The following PDE4B variants were observed in gnomAD, a reference collection of about 807,000 sequenced individuals.
The protein encoded by PDE4B is 3',5'-cyclic-AMP phosphodiesterase 4B.
PDE4B carries 20 observed loss-of-function variants against 82.2 expected under a neutral mutation model. The observed-to-expected ratio is 0.24, with a 90% CI of 0.17 to 0.35. The LOEUF is 0.35. Among genes scored for constraint, PDE4B ranks in the 10% least tolerant of loss-of-function variants. PDE4B has a pLI of 1.00. For synonymous variants in PDE4B, 320 were observed against 318.9 expected, an observed-to-expected ratio of 1.00 and a Z score of -0.04; for missense variants, 655 against 907.2, an observed-to-expected ratio of 0.72 and a Z score of 3.57.
intron 7 of PDE4B, among the ~76,000 whole-genome samples, chr1:66,269,596 A>G (rs1655314200): frequency 6.6e-6 from 1 of 152,236 alleles, no homozygotes; most frequent in Non-Finnish European, 1.5e-5. Flanking sequence ...AGAAAATTGA[A>G]GTAATTCTCA....
intron 3 of PDE4B, among the ~76,000 whole-genome samples, chr1:65,929,687 C>A (rs537148450): frequency 6.6e-6 from 1 of 152,316 alleles, no homozygotes; most frequent in Admixed American, 6.5e-5. Flanking sequence ...CGCAACCAAT[C>A]AGCTTCATTA....
At chr1:66,059,857 C>G (rs1655492709) in intron 3 of PDE4B, among the ~76,000 whole-genome samples, 1 of 152,082 alleles carries the variant, frequency 6.6e-6, no homozygotes, top group African/African-American at 2.4e-5. Flanking sequence ...TTTTCTTTGG[C>G]TATATCACAT....
chr1:65,843,427 T>G (rs953554999), intron 1 of PDE4B, among the ~76,000 whole-genome samples: 1 of 152,130 alleles, frequency 6.6e-6, no homozygotes, highest in Non-Finnish European at 1.5e-5. Context: ...AGAGAGTGCA[T>G]GAAAATTTCC....
At chr1:65,811,981 A>C (rs918835498) in intron 1 of PDE4B, among the ~76,000 whole-genome samples, 7 of 152,148 alleles carry the variant, frequency 4.6e-5, no homozygotes, top group Admixed American at 6.5e-5. Flanking sequence ...ACCAAAAAAA[A>C]CCCCAGGACC....
In PDE4B at chr1:66,372,875, A is replaced by C. The variant is rs554373762; in HGVS notation, c.*197A>C. 42 of 568,358 alleles carry C rather than the reference A, an allele frequency of 7.4e-5. No homozygotes were observed. The highest frequency in any genetic ancestry group is 6.5e-4 in the African/African-American group (35 of 53,590). The allele number at this position is 568,358 out of a possible 1,614,324, so 35.2% of individuals were successfully genotyped here. A position where few individuals can be genotyped will look rare whatever the true frequency, so the allele number is the denominator to read the frequency against. Reference sequence around the variant, plus strand: ...GAAATCCCACGGTTGACTTGCCTTGATGGCAAGCTTGGTGGAGAGGGCTGA... The same window carrying C: ...GAAATCCCACGGTTGACTTGCCTTGCTGGCAAGCTTGGTGGAGAGGGCTGA... On this transcript the variant is annotated 3_prime_UTR_variant, in exon 17 of 17. Coordinates refer to ENST00000341517, the MANE Select transcript of PDE4B (RefSeq NM_002600.4).
chr1:66,043,338 G>T (rs1654499385), intron 3 of PDE4B, among the ~76,000 whole-genome samples: 1 of 151,734 alleles, frequency 6.6e-6, no homozygotes, highest in African/African-American at 2.4e-5. Flanking sequence ...AGCAAAACTG[G>T]TTGAGCAGCT....
At chr1:66,042,252 A>C (rs1654428693) in intron 3 of PDE4B, among the ~76,000 whole-genome samples, 1 of 151,860 alleles carries the variant, frequency 6.6e-6, no homozygotes, top group Non-Finnish European at 1.5e-5. Flanking sequence ...TTCAGCCCCA[A>C]GATAGCATGT....
intron 1 of PDE4B, among the ~76,000 whole-genome samples, chr1:65,864,618 C>T (rs1297209532): frequency 6.6e-6 from 1 of 152,044 alleles, no homozygotes; most frequent in African/African-American, 2.4e-5. Context: ...ACAGTCAGGC[C>T]CCCTCTTCTG....
At chr1:65,986,366 G>C (rs1317874195) in intron 3 of PDE4B, among the ~76,000 whole-genome samples, 1 of 152,140 alleles carries the variant, frequency 6.6e-6, no homozygotes, top group African/African-American at 2.4e-5. Flanking sequence ...TCTTCTTATG[G>C]AAGTTGAGAA....
Position 66,319,062 on chromosome 1 carries a change from T to C in PDE4B, c.635-13446T>C, listed in dbSNP as rs183002397. Among the ~76,000 whole-genome samples the C allele has an allele frequency of 2.6e-5, 4 of 152,336 alleles. No individual in the cohort carries two copies. In the East Asian group the frequency reaches 7.7e-4, roughly 29 times the overall value. ...CGCATGTCAACTGGTAAAGACTGTA[T>C]ATAACAGGTTTTCTGCTCTTTACAA... On this transcript the variant is annotated intron_variant, in intron 7 of 16. Coordinates refer to ENST00000341517, the MANE Select transcript of PDE4B (RefSeq NM_002600.4).
chr1:65,837,793 CTT>C (rs139717883), intron 1 of PDE4B, among the ~76,000 whole-genome samples: 5,325 of 151,874 alleles, frequency 0.035, 212 homozygotes, highest in East Asian at 0.12. Flanking sequence ...CATAGGTAAA[CTT>C]GTGTGTGTGT....
At chr1:66,350,503 A>G (rs1661742553) in intron 8 of PDE4B, among the ~76,000 whole-genome samples, 1 of 151,862 alleles carries the variant, frequency 6.6e-6, no homozygotes, top group African/African-American at 2.4e-5. Flanking sequence ...CTTAGGAGTC[A>G]CTCCTAAGTG....
At chr1:66,365,608 C>A in intron 12 of PDE4B, 59 bp from the exon 13 acceptor site, 1 of 930,820 alleles carries the variant, frequency 1.1e-6, no homozygotes. Context: ...ACAAATGAAA[C>A]TGAATAAGCA....
chr1:65,886,542 T>TAC (rs747366323), intron 1 of PDE4B, among the ~76,000 whole-genome samples: 2 of 152,172 alleles, frequency 1.3e-5, no homozygotes, highest in Admixed American at 6.6e-5. Context: ...CCCATCTACT[T>TAC]ACACACCCTT....
intron 3 of PDE4B, among the ~76,000 whole-genome samples, chr1:65,950,824 A>G (rs1459199749): frequency 1.3e-5 from 2 of 152,022 alleles, no homozygotes; most frequent in African/African-American, 4.8e-5. Context: ...AGATGGTACA[A>G]CCAGAAAAGG....
At chr1:65,825,286 C>T (rs1646001251) in intron 1 of PDE4B, among the ~76,000 whole-genome samples, 2 of 152,062 alleles carry the variant, frequency 1.3e-5, no homozygotes, top group African/African-American at 2.4e-5. Flanking sequence ...CTGTAGTGGT[C>T]AGTCTATAAC....
chr1:66,273,080 A>G (rs1169483008), intron 7 of PDE4B, among the ~76,000 whole-genome samples: 1 of 152,124 alleles, frequency 6.6e-6, no homozygotes. Flanking sequence ...AACCCCAGTT[A>G]TGGTTACATT....
intron 3 of PDE4B, among the ~76,000 whole-genome samples, chr1:66,098,056 A>G (rs1163110537): frequency 1.3e-5 from 2 of 152,072 alleles, no homozygotes; most frequent in Non-Finnish European, 1.5e-5. Flanking sequence ...CCATGTAAAC[A>G]CACTGCTTGG....
chr1:65,806,487 A>G (rs1645756371), intron 1 of PDE4B, among the ~76,000 whole-genome samples: 1 of 152,194 alleles, frequency 6.6e-6, no homozygotes, highest in Admixed American at 6.5e-5. Flanking sequence ...ACACATACTA[A>G]AATAGCTTAG....
Sources: allele counts gnomAD v4.1 joint callset (sites outside exome capture counted in the v4.1 genomes callset), GRCh38; gene constraint gnomAD v4.1.1; transcripts MANE v1.5; gene names NCBI Gene and HGNC (gene_info 2026-07-23, HGNC 2026-07-21).